Variants in PLCB1 observed in about 807,000 individuals in gnomAD.
The protein encoded by PLCB1 is phospholipase C beta 1.
PLCB1 carries 46 observed loss-of-function variants against 161.8 expected under a neutral mutation model. The observed-to-expected ratio is 0.28, with a 90% confidence interval of 0.22 to 0.36. The LOEUF is 0.36. PLCB1 is among the 10% of genes least tolerant of loss of function. The pLI is 1.00. For synonymous variants in PLCB1, 517 were observed against 503.7 expected (o/e 1.03, Z -0.35); for missense variants, 1,016 against 1,472.5 (o/e 0.69, Z 5.07).
intron 4 of PLCB1, among the ~76,000 whole-genome samples, chr20:8,643,768 CCTCTCCCTCTTT>C: frequency 6.8e-6 from 1 of 147,578 alleles, no homozygotes; most frequent in African/African-American, 2.5e-5. Context: ...TCTCCCTCTC[CCTCTCCCTCTTT>C]CTCCCTCTCC....
At chr20:8,314,901 C>T (rs935284641) in intron 2 of PLCB1, among the ~76,000 whole-genome samples, 11 of 152,224 alleles carry the variant, frequency 7.2e-5, no homozygotes, top group Admixed American at 6.5e-4. Context: ...CACTTTATTT[C>T]AGTCATATTT....
intron 1 of PLCB1, among the ~76,000 whole-genome samples, chr20:8,137,556 G>C (rs1225377954): frequency 6.6e-6 from 1 of 152,210 alleles, no homozygotes; most frequent in Non-Finnish European, 1.5e-5. Context: ...CTAAGTGTAA[G>C]AGCATAACTC....
At chr20:8,285,036 T>C (rs1355681912) in intron 2 of PLCB1, among the ~76,000 whole-genome samples, 2 of 151,992 alleles carry the variant, frequency 1.3e-5, no homozygotes, top group African/African-American at 4.8e-5. Flanking sequence ...CTCAGTGTTA[T>C]GTTAGCCTAC....
intron 31 of PLCB1, among the ~76,000 whole-genome samples, chr20:8,821,569 CT>C (rs1192457693): frequency 8.0e-6 from 1 of 125,444 alleles, no homozygotes; most frequent in Non-Finnish European, 1.6e-5. Flanking sequence ...TTAAATGACA[CT>C]TTTAAAAATG....
At chr20:8,248,930 G>A (rs1413097295) in intron 2 of PLCB1, 1 of 151,890 alleles carries the variant, frequency 6.6e-6, no homozygotes, top group East Asian at 1.9e-4. Flanking sequence ...GAATGGATAA[G>A]CTGAGAGATT....
At chr20:8,544,711 G>T (rs1171821977) in intron 3 of PLCB1, among the ~76,000 whole-genome samples, 1 of 152,142 alleles carries the variant, frequency 6.6e-6, no homozygotes, top group African/African-American at 2.4e-5. Flanking sequence ...TAACTTCAGG[G>T]CATGTGCAAG....
chr20:8,628,943 AAT>A, intron 4 of PLCB1, among the ~76,000 whole-genome samples: 2 of 151,998 alleles, frequency 1.3e-5, no homozygotes, highest in Non-Finnish European at 2.9e-5. Flanking sequence ...AAAAAAAAAA[AAT>A]AAATAAATAA....
At chr20:8,721,983 A>G (rs1165118070) in intron 14 of PLCB1, among the ~76,000 whole-genome samples, 2 of 152,158 alleles carry the variant, frequency 1.3e-5, no homozygotes, top group Non-Finnish European at 2.9e-5. Flanking sequence ...AGAGACCCTG[A>G]GAGAGTGTTT....
chr20:8,200,950 A>G (rs1390285562), intron 2 of PLCB1, among the ~76,000 whole-genome samples: 1 of 152,018 alleles, frequency 6.6e-6, no homozygotes, highest in East Asian at 1.9e-4. Flanking sequence ...AAAATTATAC[A>G]TAGGCTAAGT....
At chr20:8,141,204 C>A (rs1402238888) in intron 1 of PLCB1, among the ~76,000 whole-genome samples, 1 of 152,180 alleles carries the variant, frequency 6.6e-6, no homozygotes, top group South Asian at 2.1e-4. Context: ...AAGCTTAGAT[C>A]CCTGCAAACT....
chr20:8,537,315 T>G (rs1985093871), intron 3 of PLCB1, among the ~76,000 whole-genome samples: 1 of 152,220 alleles, frequency 6.6e-6, no homozygotes, highest in African/African-American at 2.4e-5. Context: ...CTTTTGTCCC[T>G]TTTCCGGTGG....
At position 8,321,457 on chromosome 20, in the gene PLCB1, A is replaced by G. The variant is rs1364619364; in HGVS notation, c.178-49925A>G. 4.6e-5 allele frequency among the ~76,000 whole-genome samples: 7 copies of G among 152,276 alleles called. No individual in the cohort carries two copies. The East Asian group carries it at 1.4e-3, about 29-fold the overall frequency. ...AAGAATTTGGTATCTGTTAATGAAAATCAACTTTTAAAATAAGCATTCTTC... is the reference window on the plus strand; with the variant it reads ...AAGAATTTGGTATCTGTTAATGAAAGTCAACTTTTAAAATAAGCATTCTTC... On this transcript the variant is annotated intron_variant, in intron 2 of 31. Coordinates refer to ENST00000338037, the MANE Select transcript of PLCB1 (RefSeq NM_015192.4).
chr20:8,824,766 C>G lies in PLCB1; in HGVS notation c.3423+34505C>G, dbSNP rs188025426. Among the ~76,000 whole-genome samples the G allele has an allele frequency of 3.0e-3, 461 of 152,088 alleles. 3 individuals carry two copies. Among genetic ancestry groups the G allele is most frequent in the Non-Finnish European group, 3.5e-3 (235 of 67,994 alleles). ...AGGAACCAAATAATAATAATGCATGCATCACTGAAAGATAAAAATCCATAA... is the reference window on the plus strand; with the variant it reads ...AGGAACCAAATAATAATAATGCATGGATCACTGAAAGATAAAAATCCATAA... On this transcript the variant is annotated intron_variant, in intron 31 of 31. Transcript: ENST00000338037.
intron 7 of PLCB1, chr20:8,651,367 A>G: frequency 1.4e-6 from 1 of 694,856 alleles, no homozygotes; most frequent in African/African-American, 1.8e-5. Flanking sequence ...GGTGGGTCAC[A>G]AGAAAGAAAT....
intron 3 of PLCB1, among the ~76,000 whole-genome samples, chr20:8,470,560 C>T (rs1193048397): frequency 1.3e-5 from 2 of 151,990 alleles, no homozygotes; most frequent in Non-Finnish European, 2.9e-5. Context: ...TTTTTCCATC[C>T]TTTGAGACAA....
chr20:8,234,230 G>A (rs1980211225), intron 2 of PLCB1, among the ~76,000 whole-genome samples: 1 of 152,098 alleles, frequency 6.6e-6, no homozygotes, highest in African/African-American at 2.4e-5. Flanking sequence ...TTGCCAAATG[G>A]TTTTCCAAAA....
At chr20:8,247,690 A>G (rs994476839) in intron 2 of PLCB1, among the ~76,000 whole-genome samples, 2 of 151,738 alleles carry the variant, frequency 1.3e-5, no homozygotes, top group African/African-American at 2.4e-5. Context: ...CCTGGAACAT[A>G]GTAGTAAATG....
intron 3 of PLCB1, among the ~76,000 whole-genome samples, chr20:8,561,753 A>G (rs1442606823): frequency 1.3e-5 from 2 of 152,052 alleles, no homozygotes; most frequent in Non-Finnish European, 2.9e-5. Flanking sequence ...AGTCTTCTTT[A>G]TACCCTAACC....
chr20:8,198,675 G>A (rs2052055961), intron 2 of PLCB1, among the ~76,000 whole-genome samples: 1 of 151,878 alleles, frequency 6.6e-6, no homozygotes, highest in Admixed American at 6.6e-5. Flanking sequence ...TATTGCCTCA[G>A]AAAGAGAATG....
Sources: allele counts gnomAD v4.1 joint callset (sites outside exome capture counted in the v4.1 genomes callset), GRCh38; gene constraint gnomAD v4.1.1; transcripts MANE v1.5; gene names NCBI Gene and HGNC (gene_info 2026-07-23, HGNC 2026-07-21).